C19orf33: variants seen among roughly 807,000 people sequenced by gnomAD.
C19orf33 encodes the protein chromosome 19 open reading frame 33, also known as immortalization up-regulated protein.
A neutral mutation model predicts 9.7 loss-of-function variants in C19orf33; 9 were observed. The ratio of observed to expected loss-of-function variants is 0.93; its 90% CI spans 0.56 to 1.61. C19orf33 has a LOEUF of 1.61. Among genes scored for constraint, C19orf33 ranks in the 40% most tolerant of loss-of-function variants. C19orf33 has a pLI of 0.00. For synonymous variants in C19orf33, 61 were observed against 54.8 expected (o/e 1.11, Z -0.50); for missense variants, 145 against 137.9 (o/e 1.05, Z -0.26).
rs1278533796 is a variant in C19orf33, at chr19:38,304,270, C to T, written c.9C>T (p.Phe3=). The part of the protein sequence containing the change: ME[F]DLGAALEPTS... ...CAACTTCTCTTACCGCCATGGAGTT[C>T]GACCTGGGAGCAGGTGAGCTCCTGG... The change falls in exon 1 of 4, where the codon TTC becomes TTT. Residue 3 remains phenylalanine (F), a synonymous_variant. Coordinates refer to ENST00000301246, the MANE Select transcript of C19orf33 (RefSeq NM_033520.3). The T allele has an allele frequency of 6.2e-7, 1 of 1,613,730 alleles. No homozygotes were observed. Among genetic ancestry groups the T allele is most frequent in the Admixed American group, 1.7e-5 (1 of 60,012 alleles).
intron 3 of C19orf33, 63 bp from the exon 4 acceptor site, chr19:38,304,782 C>G (rs1020207288): frequency 1.7e-5 from 27 of 1,612,238 alleles, no homozygotes; most frequent in Non-Finnish European, 2.2e-5. Context: ...GGGAGTGGTC[C>G]CCCTGTCTCG....
intron 3 of C19orf33, 76 bp downstream of exon 3, chr19:38,304,762 G>A (rs1968916810): frequency 6.2e-7 from 1 of 1,611,916 alleles, no homozygotes; most frequent in Non-Finnish European, 8.5e-7. Flanking sequence ...GGGCTGGCGG[G>A]GAGGGTGCGG....
chr19:38,304,865 G>A lies in C19orf33; in HGVS notation c.222G>A (p.Lys74=). Reference sequence around the variant, plus strand: ...CACAGTCCCACGCTGCTGGCTCCAAGCAGCACGAGAGCATCCCGGGCAAGG... The same window carrying A: ...CACAGTCCCACGCTGCTGGCTCCAAACAGCACGAGAGCATCCCGGGCAAGG... The part of the protein sequence containing the change: ...TDVKSHAAGS[K]QHESIPGKAK... Residue 74 remains lysine, a synonymous_variant, in exon 4 of 4, where the codon AAG becomes AAA. Coordinates refer to ENST00000301246, the MANE Select transcript of C19orf33 (RefSeq NM_033520.3). 6.2e-7 allele frequency: 1 copy of A among 1,613,732 alleles called. No homozygotes were observed. Among genetic ancestry groups the A allele is most frequent in the Non-Finnish European group, 8.5e-7 (1 of 1,179,976 alleles).
intron 1 of C19orf33, 33 bp downstream of exon 1, chr19:38,304,316 AG>A (rs753650253): frequency 1.2e-6 from 2 of 1,613,224 alleles, no homozygotes; most frequent in Non-Finnish European, 1.7e-6. Context: ...CTGGAGGTGC[AG>A]GGGGCCGGAC....
At chr19:38,304,314 G>T (rs747884813) in intron 1 of C19orf33, 31 bp downstream of exon 1, 1 of 1,613,494 alleles carries the variant, frequency 6.2e-7, no homozygotes, top group South Asian at 1.1e-5. Context: ...GACTGGAGGT[G>T]CAGGGGGCCG....
chr19:38,304,403 TG>T lies in C19orf33; in HGVS notation c.52del (p.Val18TrpfsTer49). The T allele has an allele frequency of 1.3e-6, 2 of 1,571,630 alleles. No individual in the cohort carries two copies. Among genetic ancestry groups the T allele is most frequent in the Non-Finnish European group, 1.7e-6 (2 of 1,159,144 alleles). On this transcript the variant is annotated frameshift_variant, in exon 2 of 4. Coordinates refer to ENST00000301246, the MANE Select transcript of C19orf33 (RefSeq NM_033520.3). LOFTEE classifies it high-confidence loss of function. ...ALEPTSQKPG[V>X]GAGHGGDPKL... ...TGGAGCCCACCTCCCAGAAGCCCGG[TG>T]TGGGGGCGGGCCACGGGGGAGATCC...
At chr19:38,304,741 TC>T (rs1968915346) in intron 3 of C19orf33, 55 bp downstream of exon 3, 10 of 1,611,614 alleles carry the variant, frequency 6.2e-6, no homozygotes, top group Middle Eastern at 1.7e-4. Context: ...CAGAGAGGCG[TC>T]CCCGCACTGG....
chr19:38,304,405 TG>T lies in C19orf33; in HGVS notation c.58del (p.Ala20ArgfsTer47), dbSNP rs1236963252. On this transcript the variant is annotated frameshift_variant, in exon 2 of 4. Transcript: ENST00000301246. LOFTEE classifies it high-confidence loss of function. ...ALEPTSQKPGVGAGHGGDPKL... is the reference protein window; with the variant it reads ...ALEPTSQKPGXGAGHGGDPKL... ...GAGCCCACCTCCCAGAAGCCCGGTG[TG>T]GGGGCGGGCCACGGGGGAGATCCCA... 2 of 1,570,414 alleles carry T rather than the reference TG, an allele frequency of 1.3e-6. No individual in the cohort carries two copies. The highest frequency in any genetic ancestry group is 1.9e-5 in the Admixed American group (1 of 52,192).
chr19:38,304,516 G>C, intron 2 of C19orf33, 26 bp downstream of exon 2: 1 of 1,563,710 alleles, frequency 6.4e-7, no homozygotes, highest in Non-Finnish European at 8.7e-7. Flanking sequence ...ACCGGCTGCG[G>C]AGGGGCGGGA....
intron 2 of C19orf33, 34 bp downstream of exon 2, chr19:38,304,524 G>T: frequency 6.4e-7 from 1 of 1,568,462 alleles, no homozygotes; most frequent in South Asian, 1.2e-5. Context: ...CGGAGGGGCG[G>T]GAAGGCTGGG....
rs764807460 is a variant in C19orf33 at position 38,304,379 on chromosome 19, G to A, written c.27G>A (p.Leu9=). The change falls in exon 2 of 4, where the codon CTG becomes CTA. Residue 9 remains leucine (L), a synonymous_variant. Coordinates refer to ENST00000301246, the MANE Select transcript of C19orf33 (RefSeq NM_033520.3). ...CCACCCAACTTCTCTCCACAGCCCT[G>A]GAGCCCACCTCCCAGAAGCCCGGTG... is the stretch of plus-strand genomic sequence containing the variant. The part of the protein sequence containing the change: MEFDLGAA[L]EPTSQKPGVG... 3.8e-6 allele frequency: 6 copies of A among 1,586,596 alleles called. No homozygotes were observed. The Admixed American group carries it at 5.5e-5, about 15-fold the overall frequency.
In C19orf33 at chr19:38,304,467, G is replaced by C; in HGVS notation, c.115G>C (p.Ala39Pro). The change falls in exon 2 of 4, where the codon GCA becomes CCA. Residue 39 changes from alanine (A) to proline (P), a missense_variant. Transcript: ENST00000301246. ...SPHKVQGRSE[A>P]GAGPGPKQGH... ...CCACAAAGTTCAGGGCCGGTCGGAG[G>C]CAGGGGCAGGTCCGGGTCCAAAGGT... 6.4e-7 allele frequency: 1 copy of C among 1,555,660 alleles called. No individual in the cohort carries two copies. The highest frequency in any genetic ancestry group is 8.7e-7 in the Non-Finnish European group (1 of 1,150,080).
At chr19:38,304,731 C>G (rs753409674) in intron 3 of C19orf33, 45 bp downstream of exon 3, 16 of 1,612,978 alleles carry the variant, frequency 9.9e-6, no homozygotes, top group Non-Finnish European at 1.3e-5. Flanking sequence ...CCCTGCACCC[C>G]AGAGAGGCGT....
At chr19:38,304,581 G>T (rs775168686) in intron 2 of C19orf33, 43 bp from the exon 3 acceptor site, 1 of 1,611,482 alleles carries the variant, frequency 6.2e-7, no homozygotes, top group Non-Finnish European at 8.5e-7. Flanking sequence ...AACTTCAGGG[G>T]GCTGGGTAAG....
rs76762399 is a variant in C19orf33 at position 38,304,947 on chromosome 19, A to G, written c.304A>G (p.Lys102Glu). The G allele has an allele frequency of 2.8e-5, 41 of 1,471,660 alleles. No homozygotes were observed. The highest frequency in any genetic ancestry group is 1.9e-4 in the East Asian group (5 of 26,468). 91.2% of individuals were successfully genotyped at this position (1,471,660 alleles called of 1,614,324 possible). The change falls in exon 4 of 4, where the codon AAG becomes GAG. Residue 102 changes from lysine to glutamate, a missense_variant. Transcript: ENST00000301246. ...GGGCAAGAAGGAGAAGGGCAAGAAG[A>G]AGGAGGCTCCCCACTGAAGGGCCCT... Reference protein sequence around the residue: ...EKGKKEKGKKKEAPH With the variant: ...EKGKKEKGKKEEAPH
In C19orf33 at chr19:38,304,671, G is replaced by T; in HGVS notation, c.186G>T (p.Ser62=). The part of the protein sequence containing the change: ...SSDSSSSSSD[S]DTDVKSHAAG... ...ACTCCAGCAGCAGCTCCAGCGATTC[G>T]GACACGGATGTGAAGGTAAGGGGCT... The change falls in exon 3 of 4, where the codon TCG becomes TCT. Residue 62 remains serine, a synonymous_variant. Transcript: ENST00000301246. The T allele has an allele frequency of 6.2e-7, 1 of 1,613,678 alleles. No homozygotes were observed. The highest frequency in any genetic ancestry group is 8.5e-7 in the Non-Finnish European group (1 of 1,179,986).
At chr19:38,304,718 G>C in intron 3 of C19orf33, 32 bp downstream of exon 3, 1 of 1,613,504 alleles carries the variant, frequency 6.2e-7, no homozygotes, top group Non-Finnish European at 8.5e-7. Context: ...CCCCAAGCAC[G>C]TGCCCTGCAC....
chr19:38,304,756 T>G, intron 3 of C19orf33, 70 bp downstream of exon 3: 1 of 1,610,550 alleles, frequency 6.2e-7, no homozygotes, highest in Non-Finnish European at 8.5e-7. Context: ...GCACTGGGGC[T>G]GGCGGGGAGG....
Position 38,304,260 on chromosome 19 carries a change from C to A in C19orf33, c.-2C>A. On this transcript the variant is annotated 5_prime_UTR_variant, in exon 1 of 4. Transcript: ENST00000301246. Reference sequence around the variant, plus strand: ...CCTTAGGACCCAACTTCTCTTACCGCCATGGAGTTCGACCTGGGAGCAGGT... The same window carrying A: ...CCTTAGGACCCAACTTCTCTTACCGACATGGAGTTCGACCTGGGAGCAGGT... The A allele has an allele frequency of 6.2e-7, 1 of 1,613,722 alleles. No individual in the cohort carries two copies. Among genetic ancestry groups the A allele is most frequent in the African/African-American group, 1.3e-5 (1 of 75,056 alleles).
Sources: allele counts gnomAD v4.1 joint callset, GRCh38; gene constraint gnomAD v4.1.1; transcripts MANE v1.5; gene names NCBI Gene and HGNC (gene_info 2026-07-23, HGNC 2026-07-21).